Variants in CWF19L2 observed in about 807,000 individuals in gnomAD.
CWF19L2 encodes CWF19 like cell cycle control factor 2, also known as CWF19-like protein 2.
In CWF19L2, 98 loss-of-function variants were observed where a neutral mutation model predicts 111.7. The ratio of observed to expected loss-of-function variants is 0.88; its 90% CI spans 0.75 to 1.04. The LOEUF (loss-of-function observed/expected upper bound fraction) is 1.04, where lower values mean the gene tolerates loss of function less well. Among genes scored for constraint, CWF19L2 ranks in the 50% least tolerant of loss-of-function variants. The pLI, the probability that CWF19L2 is intolerant of heterozygous loss-of-function variation, is 0.00. For missense variants in CWF19L2, 1,101 were observed against 1,051.4 expected, an observed-to-expected ratio of 1.05 and a Z score of -0.65; for synonymous variants, 351 against 342.9, an observed-to-expected ratio of 1.02 and a Z score of -0.26.
intron 15 of CWF19L2, among the ~76,000 whole-genome samples, chr11:107,336,091 C>T (rs1859919458): frequency 6.6e-6 from 1 of 152,056 alleles, no homozygotes; most frequent in African/African-American, 2.4e-5. Flanking sequence ...CGTAGTGGTG[C>T]ATGCCTGTAG....
In CWF19L2 at chr11:107,428,783, A is replaced by G. The variant is rs1861416215; in HGVS notation, c.1433+16T>C. 1 of 1,579,022 alleles carries G rather than the reference A, an allele frequency of 6.3e-7. No homozygotes were observed. The highest frequency in any genetic ancestry group is 1.4e-5 in the African/African-American group (1 of 73,014). On this transcript the variant is annotated intron_variant, in intron 8 of 17. Coordinates refer to ENST00000282251, the MANE Select transcript of CWF19L2 (RefSeq NM_152434.3). ...CTCTGGATCTTAACTTATTAGGTTA[A>G]AAAATGATAAAATACCCAGCAAATG... is the stretch of plus-strand genomic sequence containing the variant.
intron 11 of CWF19L2, among the ~76,000 whole-genome samples, chr11:107,392,543 T>G (rs1476194516): frequency 6.6e-6 from 1 of 152,174 alleles, no homozygotes; most frequent in Non-Finnish European, 1.5e-5. Flanking sequence ...AAATTAAAAT[T>G]GCCTTAAACA....
intron 14 of CWF19L2, among the ~76,000 whole-genome samples, chr11:107,339,275 A>C (rs1168787002): frequency 6.6e-6 from 1 of 152,180 alleles, no homozygotes; most frequent in Non-Finnish European, 1.5e-5. Flanking sequence ...TAATTATTAC[A>C]AATAAAGCTG....
intron 10 of CWF19L2, among the ~76,000 whole-genome samples, chr11:107,395,521 A>C (rs546205547): frequency 1.3e-5 from 2 of 152,320 alleles, no homozygotes; most frequent in South Asian, 4.1e-4. Flanking sequence ...TAAAACTATT[A>C]ATCCATCATG....
At chr11:107,330,913 T>G (rs1344089071) in intron 16 of CWF19L2, among the ~76,000 whole-genome samples, 1 of 152,124 alleles carries the variant, frequency 6.6e-6, no homozygotes, top group African/African-American at 2.4e-5. Context: ...CCATACAAAT[T>G]GTGTATTGTG....
intron 12 of CWF19L2, among the ~76,000 whole-genome samples, chr11:107,360,229 G>A (rs1034217591): frequency 3.3e-5 from 5 of 152,044 alleles, no homozygotes; most frequent in South Asian, 2.1e-4. Context: ...TTCTGTGCCC[G>A]ACTTGTTTCA....
intron 3 of CWF19L2, among the ~76,000 whole-genome samples, chr11:107,454,080 A>G (rs1024898158): frequency 6.6e-6 from 1 of 152,206 alleles, no homozygotes; most frequent in Admixed American, 6.5e-5. Flanking sequence ...GCCTGGGGGA[A>G]CTTGCCACCC....
chr11:107,331,799 A>T (rs893925220), intron 16 of CWF19L2, among the ~76,000 whole-genome samples: 38 of 152,236 alleles, frequency 2.5e-4, no homozygotes, highest in Non-Finnish European at 2.6e-4. Flanking sequence ...CTACTTTCAC[A>T]CAAAGGCAAC....
chr11:107,334,700 C>A (rs10789620), intron 16 of CWF19L2, among the ~76,000 whole-genome samples, 181 bp downstream of exon 16: 1 of 152,048 alleles, frequency 6.6e-6, no homozygotes, highest in South Asian at 2.1e-4. Context: ...CAAATAAAAA[C>A]CCTCTACAAA....
rs1257130512 is a variant in CWF19L2, at chr11:107,431,423, CATAA to C, written c.781-1976_781-1973del. ...CTGCACAGAGAAAAATACTGAAGAG[CATAA>C]ATAAATAGTGTTTTGGGATGGGATG... On this transcript the variant is annotated intron_variant, in intron 7 of 17. Transcript: ENST00000282251. Among the ~76,000 whole-genome samples the C allele has an allele frequency of 2.0e-4, 31 of 151,708 alleles. 1 individual carries two copies. The highest frequency in any genetic ancestry group is 7.0e-4 in the African/African-American group (29 of 41,334).
intron 10 of CWF19L2, among the ~76,000 whole-genome samples, chr11:107,413,192 T>C (rs1861181866): frequency 6.6e-6 from 1 of 152,164 alleles, no homozygotes; most frequent in Non-Finnish European, 1.5e-5. Flanking sequence ...GTAGGGGCTA[T>C]TGATAACGGG....
chr11:107,391,105 A>G (rs1408803187), intron 11 of CWF19L2, among the ~76,000 whole-genome samples: 1 of 152,146 alleles, frequency 6.6e-6, no homozygotes, highest in Admixed American at 6.5e-5. Context: ...CTGCACTGTC[A>G]GCTTCCCTAC....
chr11:107,420,059 G>A (rs1169538236), intron 8 of CWF19L2, among the ~76,000 whole-genome samples: 6 of 151,292 alleles, frequency 4.0e-5, no homozygotes, highest in African/African-American at 1.5e-4. Context: ...TAGCAACCAA[G>A]GAAATGAAAT....
chr11:107,361,865 G>A (rs1036998335), intron 12 of CWF19L2, among the ~76,000 whole-genome samples: 25 of 152,296 alleles, frequency 1.6e-4, no homozygotes, highest in East Asian at 7.7e-4. Flanking sequence ...AGCTCCAAGC[G>A]TGAGAGACGC....
intron 10 of CWF19L2, chr11:107,404,239 A>G: frequency 1.3e-6 from 1 of 778,154 alleles, no homozygotes; most frequent in South Asian, 1.3e-5. Flanking sequence ...CTTCGTATCC[A>G]TTTAAATATT....
At chr11:107,350,932 ACAGC>A (rs1177766454) in intron 13 of CWF19L2, among the ~76,000 whole-genome samples, 1 of 152,204 alleles carries the variant, frequency 6.6e-6, no homozygotes, top group East Asian at 1.9e-4. Context: ...AGCTTGTCAG[ACAGC>A]CAGTGTGGCT....
chr11:107,412,654 T>C (rs1293878857), intron 10 of CWF19L2, among the ~76,000 whole-genome samples: 1 of 152,192 alleles, frequency 6.6e-6, no homozygotes, highest in Non-Finnish European at 1.5e-5. Flanking sequence ...CAAAAGGAGT[T>C]GAAAACTTCT....
At chr11:107,350,382 G>A (rs1860140055) in intron 13 of CWF19L2, among the ~76,000 whole-genome samples, 1 of 152,132 alleles carries the variant, frequency 6.6e-6, no homozygotes, top group Non-Finnish European at 1.5e-5. Context: ...AATATTTGGA[G>A]GTAGGGGACT....
At chr11:107,424,944 T>A (rs886460548) in intron 8 of CWF19L2, among the ~76,000 whole-genome samples, 2 of 151,772 alleles carry the variant, frequency 1.3e-5, no homozygotes, top group African/African-American at 4.8e-5. Context: ...GCAAAGACAC[T>A]GTTCTACAGC....
Sources: gnomAD v4.1 joint callset for allele counts (sites outside exome capture counted in the v4.1 genomes callset) on GRCh38, gnomAD v4.1.1 for gene constraint, MANE v1.5 for transcripts, NCBI Gene and HGNC (gene_info 2026-07-23, HGNC 2026-07-21) for gene names.